Variants in SLC35F4 observed in about 807,000 individuals in gnomAD.
SLC35F4 encodes chromosome 14 open reading frame 36.
Under a neutral mutation model 44.2 loss-of-function variants are expected in SLC35F4, and 24 were observed. The ratio of observed to expected loss-of-function variants is 0.54; its 90% CI spans 0.39 to 0.76. The LOEUF (loss-of-function observed/expected upper bound fraction) is 0.76. SLC35F4 is among the 30% of genes least tolerant of loss of function. The pLI, the probability that SLC35F4 is intolerant of heterozygous loss-of-function variation, is 0.00. For missense variants in SLC35F4, 562 were observed against 586.1 expected, an observed-to-expected ratio of 0.96 and a Z score of 0.42; for synonymous variants, 238 against 223.6, an observed-to-expected ratio of 1.06 and a Z score of -0.57.
At chr14:57,698,014 G>A (rs1013670427) in intron 1 of SLC35F4, among the ~76,000 whole-genome samples, 10 of 152,166 alleles carry the variant, frequency 6.6e-5, no homozygotes, top group Admixed American at 2.0e-4. Context: ...TTGGGGCAAG[G>A]TTCTTAAATT....
chr14:57,571,708 G>A (rs1403738868), intron 5 of SLC35F4, among the ~76,000 whole-genome samples, 186 bp downstream of exon 5: 1 of 152,128 alleles, frequency 6.6e-6, no homozygotes, highest in Non-Finnish European at 1.5e-5. Context: ...GCCTCATAAG[G>A]TTGTATTAAC....
Position 57,736,040 on chromosome 14 carries a change from T to C in SLC35F4, c.103+129683A>G, listed in dbSNP as rs868391699. Among the ~76,000 whole-genome samples the C allele has an allele frequency of 4.6e-5, 7 of 152,222 alleles. No homozygotes were observed. The South Asian group carries it at 1.5e-3, about 32-fold the overall frequency. ...AGACTCCACCTCTTAATGGGAGAAG[T>C]GGCAGTCACAATACAAAAAGGCTTA... On this transcript the variant is annotated intron_variant, in intron 1 of 7. Transcript: ENST00000556826.
At chr14:57,564,789 T>C (rs2068122673) in intron 7 of SLC35F4, among the ~76,000 whole-genome samples, 2 of 152,220 alleles carry the variant, frequency 1.3e-5, no homozygotes, top group South Asian at 4.1e-4. Context: ...TAAAGTGGAC[T>C]TAGTGGCACT....
chr14:57,945,013 T>A (rs1566509007), intron 1 of SLC35F4, among the ~76,000 whole-genome samples: 2 of 151,954 alleles, frequency 1.3e-5, no homozygotes, highest in Non-Finnish European at 2.9e-5. Context: ...AAGATAAGTA[T>A]CTCAAAATAA....
At chr14:57,819,289 A>G (rs1595137335) in intron 1 of SLC35F4, among the ~76,000 whole-genome samples, 3 of 152,242 alleles carry the variant, frequency 2.0e-5, no homozygotes, top group African/African-American at 7.2e-5. Context: ...ATATAAAGAT[A>G]TGTCATATGG....
intron 1 of SLC35F4, among the ~76,000 whole-genome samples, chr14:57,909,011 G>A (rs1035216077): frequency 7.9e-5 from 12 of 152,174 alleles, no homozygotes; most frequent in African/African-American, 2.9e-4. Context: ...TGGCTAGCCA[G>A]TTTTCTGAGC....
At chr14:57,820,378 G>A (rs1883039723) in intron 1 of SLC35F4, among the ~76,000 whole-genome samples, 2 of 152,184 alleles carry the variant, frequency 1.3e-5, no homozygotes. Flanking sequence ...AAGGCAAAAT[G>A]TGAGTCTGGG....
At chr14:57,790,357 A>G (rs1595070274) in intron 1 of SLC35F4, among the ~76,000 whole-genome samples, 1 of 151,738 alleles carries the variant, frequency 6.6e-6, no homozygotes, top group Non-Finnish European at 1.5e-5. Flanking sequence ...TAATAGAGAG[A>G]CAAATCATGA....
chr14:57,974,035 A>G (rs1000698947), downstream of SLC35F4, among the ~76,000 whole-genome samples: 2 of 152,080 alleles, frequency 1.3e-5, no homozygotes, highest in African/African-American at 2.4e-5. Context: ...ATTTTATTAA[A>G]TTTTATGATT....
intron 1 of SLC35F4, among the ~76,000 whole-genome samples, chr14:57,715,386 A>G (rs1092048): frequency 0.45 from 68,126 of 152,144 alleles, 16,161 homozygotes; most frequent in Non-Finnish European, 0.53. Context: ...TACAGCATCC[A>G]CTTTCACTTG....
At chr14:57,880,698 G>A (rs142230672) in intron 1 of SLC35F4, among the ~76,000 whole-genome samples, 1 of 152,304 alleles carries the variant, frequency 6.6e-6, no homozygotes, top group Admixed American at 6.5e-5. Context: ...TGCTCAGAAT[G>A]TATCCAGGAG....
intron 1 of SLC35F4, among the ~76,000 whole-genome samples, chr14:57,877,259 A>G (rs1316002185): frequency 6.6e-6 from 1 of 152,126 alleles, no homozygotes; most frequent in East Asian, 1.9e-4. Context: ...AACATGCAGC[A>G]TTTGGTTTTA....
At chr14:57,972,101 T>G (rs961691583), downstream of SLC35F4, among the ~76,000 whole-genome samples, 54 of 122,688 alleles carry the variant, frequency 4.4e-4, no homozygotes, top group African/African-American at 1.5e-3. Flanking sequence ...AAGAGTGTGA[T>G]GTGTTCCAGA....
At chr14:57,585,313 A>G (rs1466081685) in intron 3 of SLC35F4, among the ~76,000 whole-genome samples, 1 of 152,176 alleles carries the variant, frequency 6.6e-6, no homozygotes. Context: ...AAAGTTCTTA[A>G]ACTAGGTATG....
At chr14:57,925,114 G>A (rs965678736) in intron 1 of SLC35F4, among the ~76,000 whole-genome samples, 13 of 148,082 alleles carry the variant, frequency 8.8e-5, no homozygotes, top group South Asian at 2.2e-4. Flanking sequence ...CACTCATCCC[G>A]CACCCTCCCA....
chr14:57,960,956 AC>A (rs2141087753), intron 1 of SLC35F4, among the ~76,000 whole-genome samples: 1 of 152,176 alleles, frequency 6.6e-6, no homozygotes, highest in East Asian at 1.9e-4. Context: ...TTTCTGCAAG[AC>A]CCTGAACACA....
At chr14:57,731,999 A>T (rs548201966) in intron 1 of SLC35F4, among the ~76,000 whole-genome samples, 2 of 152,316 alleles carry the variant, frequency 1.3e-5, no homozygotes, top group South Asian at 2.1e-4. Context: ...AAAATTTAAG[A>T]TGAGTTAGGA....
intron 1 of SLC35F4, among the ~76,000 whole-genome samples, chr14:57,963,709 CTCCTT>C (rs1890380645): frequency 8.0e-6 from 1 of 124,458 alleles, no homozygotes; most frequent in South Asian, 2.8e-4. Context: ...TTCATTCTAG[CTCCTT>C]TTTTTTTTTT....
chr14:57,617,187 G>A (rs1488878479), intron 1 of SLC35F4, among the ~76,000 whole-genome samples: 3 of 144,694 alleles, frequency 2.1e-5, no homozygotes, highest in Admixed American at 7.0e-5. Context: ...CTGGAGTGCA[G>A]CGGTGTGATC....
Sources: allele counts gnomAD v4.1 joint callset (sites outside exome capture counted in the v4.1 genomes callset), GRCh38; gene constraint gnomAD v4.1.1; transcripts MANE v1.5; gene names NCBI Gene and HGNC (gene_info 2026-07-23, HGNC 2026-07-21).